SFSWAP: variants seen among roughly 807,000 people sequenced by gnomAD.
The protein encoded by SFSWAP is splicing factor SWAP, also known as splicing factor, suppressor of white-apricot homolog.
Under a neutral mutation model 100.7 loss-of-function variants are expected in SFSWAP, and 17 were observed. That is an observed-to-expected ratio of 0.17 (90% CI 0.12 to 0.25). SFSWAP has a LOEUF of 0.25. SFSWAP is among the 10% of genes least tolerant of loss of function. The probability of loss-of-function intolerance (pLI) is 1.00; values close to 1 mark genes in which losing one functional copy is unlikely to be tolerated. For missense variants in SFSWAP, 1,005 were observed against 1,262.6 expected, an observed-to-expected ratio of 0.80 and a Z score of 3.09; for synonymous variants, 504 against 510.1, an observed-to-expected ratio of 0.99 and a Z score of 0.16.
intron 13 of SFSWAP, among the ~76,000 whole-genome samples, chr12:131,767,585 A>ATGGGTTTACATTCAATTAGACAT (rs1883216882): frequency 6.6e-6 from 1 of 152,242 alleles, no homozygotes; most frequent in Non-Finnish European, 1.5e-5. Flanking sequence ...CAACATTTGA[A>ATGGGTTTACATTCAATTAGACAT]CTATAATATT....
At chr12:131,715,837 T>C (rs1282791132) in intron 3 of SFSWAP, among the ~76,000 whole-genome samples, 1 of 152,252 alleles carries the variant, frequency 6.6e-6, no homozygotes, top group Non-Finnish European at 1.5e-5. Context: ...GTAACACTTT[T>C]TATCTTTTTA....
At position 131,743,070 on chromosome 12, in the gene SFSWAP, C is replaced by T. The variant is rs550958071; in HGVS notation, c.1082-10053C>T. 2.0e-5 allele frequency among the ~76,000 whole-genome samples: 3 copies of T among 152,298 alleles called. No individual in the cohort carries two copies. The East Asian group carries it at 5.8e-4, about 29-fold the overall frequency. ...AAGACCCGCCCCCATAATTCAGTCACCTCCCACCAGGTTCCTCCCACAACA... is the reference window on the plus strand; with the variant it reads ...AAGACCCGCCCCCATAATTCAGTCATCTCCCACCAGGTTCCTCCCACAACA... On this transcript the variant is annotated intron_variant, in intron 7 of 17. Coordinates refer to ENST00000261674, the MANE Select transcript of SFSWAP (RefSeq NM_004592.4).
intron 14 of SFSWAP, chr12:131,785,078 C>A: frequency 6.5e-7 from 1 of 1,534,516 alleles, no homozygotes; most frequent in Non-Finnish European, 8.7e-7. Flanking sequence ...CACAGAGTCA[C>A]AGCCTCCCCA....
At chr12:131,773,542 C>T (rs554092856) in intron 13 of SFSWAP, among the ~76,000 whole-genome samples, 1 of 152,232 alleles carries the variant, frequency 6.6e-6, no homozygotes, top group African/African-American at 2.4e-5. Context: ...TGGGATTTTG[C>T]TATATTGCCC....
chr12:131,779,670 A>G (rs538034682), intron 14 of SFSWAP, among the ~76,000 whole-genome samples: 1 of 152,308 alleles, frequency 6.6e-6, no homozygotes, highest in African/African-American at 2.4e-5. Context: ...TTTCTGTGGG[A>G]AAAATACACA....
chr12:131,792,167 C>T (rs540343776), intron 15 of SFSWAP, among the ~76,000 whole-genome samples: 22 of 148,618 alleles, frequency 1.5e-4, no homozygotes, highest in African/African-American at 4.6e-4. Context: ...TGTGTGCACC[C>T]GTGTGTGTTC....
At chr12:131,763,655 T>C (rs1882858438) in intron 11 of SFSWAP, among the ~76,000 whole-genome samples, 1 of 152,148 alleles carries the variant, frequency 6.6e-6, no homozygotes, top group African/African-American at 2.4e-5. Context: ...TGTCACAAAG[T>C]AGGTAAAAAT....
At chr12:131,723,251 T>G (rs935809671) in intron 4 of SFSWAP, 1 of 152,230 alleles carries the variant, frequency 6.6e-6, no homozygotes, top group Non-Finnish European at 1.5e-5. Flanking sequence ...TTGTTCAGAT[T>G]CGTAAGGACT....
chr12:131,784,568 C>A (rs1884757698), intron 14 of SFSWAP: 1 of 152,036 alleles, frequency 6.6e-6, no homozygotes, highest in Non-Finnish European at 1.5e-5. Flanking sequence ...TCACGTTATG[C>A]TTGCAAGTGT....
At chr12:131,729,504 A>G (rs922167538) in intron 7 of SFSWAP, among the ~76,000 whole-genome samples, 6 of 152,230 alleles carry the variant, frequency 3.9e-5, no homozygotes, top group Admixed American at 2.0e-4. Flanking sequence ...ACCCTGTCTC[A>G]AAAAGAAGAA....
intron 5 of SFSWAP, among the ~76,000 whole-genome samples, chr12:131,726,187 C>G (rs1024568508): frequency 2.0e-4 from 30 of 149,008 alleles, no homozygotes; most frequent in African/African-American, 7.3e-4. Flanking sequence ...CACACACACA[C>G]ACATCTTCCA....
intron 13 of SFSWAP, among the ~76,000 whole-genome samples, chr12:131,770,024 A>G (rs1201233326): frequency 6.6e-6 from 1 of 152,266 alleles, no homozygotes; most frequent in African/African-American, 2.4e-5. Context: ...ACAAAAATGT[A>G]ATGGTTGTAG....
chr12:131,716,162 A>G (rs931775057), intron 3 of SFSWAP, among the ~76,000 whole-genome samples: 1 of 152,244 alleles, frequency 6.6e-6, no homozygotes, highest in Non-Finnish European at 1.5e-5. Flanking sequence ...GCAAACGCAC[A>G]CACCGGCTTT....
chr12:131,718,237 G>A (rs1489273590), intron 3 of SFSWAP, among the ~76,000 whole-genome samples: 1 of 152,166 alleles, frequency 6.6e-6, no homozygotes, highest in Non-Finnish European at 1.5e-5. Context: ...AGGTTTGACA[G>A]GAGATCTTTG....
intron 13 of SFSWAP, among the ~76,000 whole-genome samples, chr12:131,773,272 C>T (rs1048966116): frequency 6.6e-5 from 10 of 152,182 alleles, no homozygotes; most frequent in Non-Finnish European, 1.0e-4. Context: ...CTTCATTGAA[C>T]CCCTTTTTTC....
In SFSWAP at chr12:131,730,425, T is replaced by C. The variant is rs1421971542; in HGVS notation, c.1081+1997T>C. Among the ~76,000 whole-genome samples the C allele has an allele frequency of 1.3e-5, 2 of 152,246 alleles. No homozygotes were observed. Among genetic ancestry groups the C allele is most frequent in the Admixed American group, 1.3e-4 (2 of 15,284 alleles). ...TCAGGGCGGGCTGACCTTGATTATT[T>C]GCTGTGCTAATCACTGGTGGAAGAA... is the stretch of plus-strand genomic sequence containing the variant. On this transcript the variant is annotated intron_variant, in intron 7 of 17. Transcript: ENST00000261674. The surrounding 1 kb of genome is among the most constrained non-coding windows in gnomAD (Gnocchi z 4.0).
At chr12:131,764,776 A>G (rs1032680084) in intron 12 of SFSWAP, 90 bp downstream of exon 12, 1 of 897,026 alleles carries the variant, frequency 1.1e-6, no homozygotes, top group African/African-American at 1.7e-5. Context: ...GAGGCTGCCA[A>G]CTAGAATCTG....
chr12:131,715,102 T>C (rs1452037668), intron 3 of SFSWAP, 149 bp downstream of exon 3: 2 of 704,770 alleles, frequency 2.8e-6, no homozygotes, highest in East Asian at 5.3e-5. Flanking sequence ...ATATTCCTTC[T>C]TTTGGTAAAA....
chr12:131,768,866 G>A (rs1217251028), intron 13 of SFSWAP, among the ~76,000 whole-genome samples: 1 of 152,162 alleles, frequency 6.6e-6, no homozygotes, highest in Non-Finnish European at 1.5e-5. Context: ...GCTCATACCT[G>A]TAATCCGAAC....
Sources: gnomAD v4.1 joint callset for allele counts (sites outside exome capture counted in the v4.1 genomes callset) on GRCh38, gnomAD v4.1.1 for gene constraint, Gnocchi (gnomAD v3.1) non-coding constraint, MANE v1.5 for transcripts, NCBI Gene and HGNC (gene_info 2026-07-23, HGNC 2026-07-21) for gene names.